Variants in KAZN observed in about 807,000 individuals in gnomAD.
KAZN encodes kazrin, periplakin interacting protein, also known as kazrin.
A neutral mutation model predicts 87.4 loss-of-function variants in KAZN; 40 were observed. That is an observed-to-expected ratio of 0.46 (90% confidence interval 0.36 to 0.60). KAZN has a LOEUF of 0.60. KAZN is among the 20% of genes least tolerant of loss of function. The pLI is 0.00. For missense variants in KAZN, 898 were observed against 1,073.9 expected (o/e 0.84, Z 2.29); for synonymous variants, 466 against 458.3 (o/e 1.02, Z -0.22).
At position 14,530,288 on chromosome 1, in the gene KAZN, C is replaced by T. The variant is rs116468921; in HGVS notation, c.250-68695C>T. ...CTGAGCTCACCCCAAAGAGCCCGCT[C>T]TAATCCAGGAGAGTCTGAGCCACCT... On this transcript the variant is annotated intron_variant, in intron 2 of 16. Coordinates refer to the KAZN transcript ENST00000636203. Among the ~76,000 whole-genome samples the T allele has an allele frequency of 1.3e-5, 2 of 152,206 alleles. 1 individual carries two copies. The highest frequency in any genetic ancestry group is 4.1e-4 in the South Asian group (2 of 4,832).
chr1:14,646,221 A>G (rs1472711766), intron 1 of KAZN, among the ~76,000 whole-genome samples: 1 of 152,182 alleles, frequency 6.6e-6, no homozygotes, highest in Non-Finnish European at 1.5e-5. Flanking sequence ...GGATTTATAC[A>G]TCTCAAAAAA....
At chr1:14,338,796 T>C (rs1401252506) in intron 2 of KAZN, among the ~76,000 whole-genome samples, 2 of 152,208 alleles carry the variant, frequency 1.3e-5, no homozygotes, top group Non-Finnish European at 2.9e-5. Flanking sequence ...TTCAGACTTC[T>C]CAGTACATAA....
intron 1 of KAZN, among the ~76,000 whole-genome samples, chr1:14,138,552 G>C (rs1393771066): frequency 6.6e-6 from 1 of 152,122 alleles, no homozygotes; most frequent in African/African-American, 2.4e-5. Flanking sequence ...GCCTCCCCTA[G>C]AGCCCCCACG....
intron 2 of KAZN, among the ~76,000 whole-genome samples, chr1:15,009,142 C>T (rs1224931956): frequency 6.6e-6 from 1 of 152,176 alleles, no homozygotes; most frequent in African/African-American, 2.4e-5. Flanking sequence ...TTCGGGCAGC[C>T]TACTGCCCGG....
chr1:14,891,383 C>G (rs1654708543), intron 1 of KAZN, among the ~76,000 whole-genome samples: 1 of 152,168 alleles, frequency 6.6e-6, no homozygotes, highest in Non-Finnish European at 1.5e-5. Flanking sequence ...TAGCTTAGCT[C>G]CCACTTATGA....
At chr1:14,883,018 G>A (rs991327484) in intron 1 of KAZN, among the ~76,000 whole-genome samples, 20 of 152,048 alleles carry the variant, frequency 1.3e-4, no homozygotes, top group South Asian at 8.3e-4. Context: ...GTTCTTGGCC[G>A]GGCACGGTGG....
rs780249420 is a variant in KAZN, at chr1:14,599,012, T to C, written c.15T>C (p.Asn5=). The change falls in exon 1 of 15, where the codon AAT becomes AAC. Residue 5 remains asparagine (N), a synonymous_variant. Coordinates refer to ENST00000376030, the MANE Select transcript of KAZN (RefSeq NM_201628.3). This position sits in a 1 kb window ranked among gnomAD's most constrained non-coding sequence, Gnocchi z 4.4. ...AAATCCTGAGCATGATGGAAGACAATAAGCAGCTCGCGCTCCGCATCGATG... is the reference window on the plus strand; with the variant it reads ...AAATCCTGAGCATGATGGAAGACAACAAGCAGCTCGCGCTCCGCATCGATG... The part of the protein sequence containing the change: MMED[N]KQLALRIDGA... 3.2e-6 allele frequency: 5 copies of C among 1,570,708 alleles called. No homozygotes were observed. The Admixed American group carries it at 9.4e-5, about 29-fold the overall frequency.
chr1:14,258,583 TC>T (rs1283074224), intron 2 of KAZN, among the ~76,000 whole-genome samples: 3 of 152,122 alleles, frequency 2.0e-5, no homozygotes, highest in African/African-American at 7.2e-5. Flanking sequence ...CTTTTGCTAT[TC>T]GTTTAATCTA....
chr1:14,308,091 C>G (rs191042847), intron 2 of KAZN, among the ~76,000 whole-genome samples: 1 of 152,048 alleles, frequency 6.6e-6, no homozygotes, highest in Non-Finnish European at 1.5e-5. Context: ...TCAGGAAACA[C>G]AAAGAAAGAC....
In KAZN at chr1:14,646,524, C is replaced by A. The variant is rs76587818; in HGVS notation, c.226+47301C>A. On this transcript the variant is annotated intron_variant, in intron 1 of 14. Transcript: ENST00000376030. Reference sequence around the variant, plus strand: ...TGTACCTCATTTACCAAGGTATCCCCTTTGTTGGGCTATGGCAGGGTTTCT... The same window carrying A: ...TGTACCTCATTTACCAAGGTATCCCATTTGTTGGGCTATGGCAGGGTTTCT... Among the ~76,000 whole-genome samples, 162 of 152,278 alleles carry A rather than the reference C, an allele frequency of 1.1e-3. 4 individuals are homozygous for A. In the East Asian group the frequency reaches 0.026, roughly 25 times the overall value.
intron 1 of KAZN, among the ~76,000 whole-genome samples, chr1:14,702,784 C>T (rs952184758): frequency 9.9e-5 from 15 of 152,174 alleles, no homozygotes; most frequent in East Asian, 3.9e-4. Context: ...AAGTGTTTAA[C>T]GTGTGCCTTT....
At position 14,599,153 on chromosome 1, in the gene KAZN, C is replaced by A. The variant is rs762375013; in HGVS notation, c.156C>A (p.Ala52=). The A allele has an allele frequency of 3.6e-6, 5 of 1,395,426 alleles. No homozygotes were observed. In the African/African-American group the frequency reaches 6.0e-5, roughly 17 times the overall value. 86.4% of individuals were successfully genotyped at this position (1,395,426 alleles called of 1,614,324 possible). A position where few individuals can be genotyped will look rare whatever the true frequency, so the allele number is the denominator to read the frequency against. Reference sequence around the variant, plus strand: ...GCGGCCCCGGCCCGGGCCCGGGAGCCGCGGCCAGCGCCTCGGCGGCGGGGG... The same window carrying A: ...GCGGCCCCGGCCCGGGCCCGGGAGCAGCGGCCAGCGCCTCGGCGGCGGGGG... ...GGGGPGPGPG[A]AASASAAGDS... is the part of the protein sequence containing the mutation. Residue 52 remains alanine, a synonymous_variant, in exon 1 of 15, where the codon GCC becomes GCA. Transcript: ENST00000376030. This position sits in a 1 kb window ranked among gnomAD's most constrained non-coding sequence, Gnocchi z 4.4.
At chr1:15,048,539 GCGTTGATCCTTGGTTGTTGGTCCTGGGT>G (rs1435726253) in intron 4 of KAZN, among the ~76,000 whole-genome samples, 7 of 152,288 alleles carry the variant, frequency 4.6e-5, no homozygotes, top group South Asian at 2.1e-4. Context: ...GCCAGAGCCA[GCGTTGATCCTTGGTTGTTGGTCCTGGGT>G]CGTTGATCCT....
intron 1 of KAZN, among the ~76,000 whole-genome samples, chr1:14,943,566 TGCCCA>T (rs1398477223): frequency 6.6e-6 from 1 of 152,230 alleles, no homozygotes; most frequent in Non-Finnish European, 1.5e-5. Flanking sequence ...ACTTGCCGTG[TGCCCA>T]GCAATGTTCT....
intron 2 of KAZN, among the ~76,000 whole-genome samples, chr1:14,257,661 A>AGG (rs1372736288): frequency 6.6e-6 from 1 of 150,474 alleles, no homozygotes; most frequent in African/African-American, 2.5e-5. Context: ...GATGTAAGGA[A>AGG]GGGATCCAGT....
chr1:14,913,267 C>T (rs2101409952), intron 1 of KAZN, among the ~76,000 whole-genome samples: 1 of 152,198 alleles, frequency 6.6e-6, no homozygotes, highest in South Asian at 2.1e-4. Flanking sequence ...TCCACTGGGC[C>T]CCTGATCTGG....
chr1:15,048,926 T>G (rs368175044), intron 4 of KAZN, among the ~76,000 whole-genome samples: 1 of 132,508 alleles, frequency 7.5e-6, no homozygotes, highest in Non-Finnish European at 1.5e-5. Context: ...CGTTCAGTGG[T>G]TTTTAGCATG....
chr1:14,207,005 C>T (rs1293226180), intron 2 of KAZN, among the ~76,000 whole-genome samples: 2 of 149,120 alleles, frequency 1.3e-5, no homozygotes, highest in African/African-American at 5.0e-5. Flanking sequence ...CTCTTGTTGC[C>T]CAGGCTGGAG....
Position 15,112,441 on chromosome 1 carries a change from G to T in KAZN, c.2063G>T (p.Arg688Leu). The change falls in exon 14 of 15, where the codon CGG (arginine) becomes CTG (leucine). Residue 688 changes from arginine to leucine, a missense_variant. By Grantham distance (102) the Arg-to-Leu change is moderately radical. This residue lies in a region of KAZN where 127 missense variants were observed against 121.5 expected (regional missense o/e 1.04). Coordinates refer to ENST00000376030, the MANE Select transcript of KAZN (RefSeq NM_201628.3). ...CCTCTCTTCAGCTCCACAGGCATCC[G>T]GGAGGCTGAGCGTTTTGGAACGCCC... The part of the protein sequence containing the change: ...VFHPANSTGI[R>L]EAERFGTPPG... 1 of 1,599,870 alleles carries T rather than the reference G, an allele frequency of 6.3e-7. No individual in the cohort carries two copies. Among genetic ancestry groups the T allele is most frequent in the Non-Finnish European group, 8.5e-7 (1 of 1,173,720 alleles).
Sources: allele counts gnomAD v4.1 joint callset (sites outside exome capture counted in the v4.1 genomes callset), GRCh38; gene constraint gnomAD v4.1.1; regional missense constraint gnomAD v4.1.1; non-coding constraint Gnocchi (gnomAD v3.1); transcripts MANE v1.5; gene names NCBI Gene and HGNC (gene_info 2026-07-23, HGNC 2026-07-21).